FHIT: variants seen among roughly 807,000 people sequenced by gnomAD.
FHIT encodes the protein bis(5'-adenosyl)-triphosphatase.
In FHIT, 19 loss-of-function variants were observed where a neutral mutation model predicts 17.9. That is an observed-to-expected ratio of 1.06 (90% CI 0.74 to 1.56). The LOEUF (loss-of-function observed/expected upper bound fraction) is 1.56, where lower values mean the gene tolerates loss of function less well. FHIT is among the 40% of genes most tolerant of loss of function. The pLI is 0.00. For missense variants in FHIT, 248 were observed against 189.2 expected, an observed-to-expected ratio of 1.31 and a Z score of -1.82; for synonymous variants, 81 against 69.7, an observed-to-expected ratio of 1.16 and a Z score of -0.81.
intron 8 of FHIT, among the ~76,000 whole-genome samples, chr3:59,884,343 A>G (rs1208536184): frequency 1.3e-5 from 2 of 152,302 alleles, no homozygotes; most frequent in East Asian, 3.9e-4. Flanking sequence ...ATGTGGATAT[A>G]TGTTTTTATA....
intron 5 of FHIT, among the ~76,000 whole-genome samples, chr3:60,197,978 A>G (rs533576219): frequency 6.6e-6 from 1 of 152,306 alleles, no homozygotes; most frequent in African/African-American, 2.4e-5. Context: ...ATCAGTTATT[A>G]TGAGGTTCTG....
intron 3 of FHIT, among the ~76,000 whole-genome samples, chr3:60,826,351 A>C: frequency 6.6e-6 from 1 of 150,912 alleles, no homozygotes; most frequent in South Asian, 2.1e-4. Flanking sequence ...TTTGAGATGG[A>C]CTTTCACACT....
chr3:61,089,271 G>A (rs1052971208), intron 2 of FHIT, among the ~76,000 whole-genome samples: 4 of 152,152 alleles, frequency 2.6e-5, no homozygotes, highest in African/African-American at 9.7e-5. Flanking sequence ...ATTTTTAAGT[G>A]TACAGTTTTG....
intron 7 of FHIT, among the ~76,000 whole-genome samples, chr3:59,973,607 T>C (rs1708282114): frequency 6.6e-6 from 1 of 152,140 alleles, no homozygotes; most frequent in Non-Finnish European, 1.5e-5. Context: ...AAAGATGTAA[T>C]TTTAAGTTTT....
intron 5 of FHIT, among the ~76,000 whole-genome samples, chr3:60,358,173 C>A (rs1335692004): frequency 1.3e-5 from 2 of 152,338 alleles, no homozygotes; most frequent in East Asian, 3.9e-4. Flanking sequence ...TTCTTCACTG[C>A]ACCTAGCACC....
intron 8 of FHIT, among the ~76,000 whole-genome samples, chr3:59,761,885 C>T (rs9865682): frequency 0.13 from 19,392 of 152,130 alleles, 1,298 homozygotes; most frequent in South Asian, 0.24. Flanking sequence ...TGTGAGCCAC[C>T]GCGCCCTACC....
intron 3 of FHIT, among the ~76,000 whole-genome samples, chr3:60,956,888 A>C (rs1386793369): frequency 6.6e-6 from 1 of 150,836 alleles, no homozygotes; most frequent in Non-Finnish European, 1.5e-5. Context: ...GTCCTACAAA[A>C]AATGAATTGT....
intron 4 of FHIT, among the ~76,000 whole-genome samples, chr3:60,696,523 C>T (rs2041117594): frequency 6.6e-6 from 1 of 152,014 alleles, no homozygotes; most frequent in Non-Finnish European, 1.5e-5. Context: ...ATTACTTTTG[C>T]TCTTGTGATG....
At chr3:60,326,281 A>G (rs1439470682) in intron 5 of FHIT, among the ~76,000 whole-genome samples, 2 of 152,132 alleles carry the variant, frequency 1.3e-5, no homozygotes, top group Admixed American at 6.6e-5. Flanking sequence ...TGTAGAATCA[A>G]TGGGAGTCCT....
At chr3:59,799,651 A>G (rs894511822) in intron 8 of FHIT, among the ~76,000 whole-genome samples, 5 of 152,188 alleles carry the variant, frequency 3.3e-5, no homozygotes, top group Non-Finnish European at 7.3e-5. Flanking sequence ...GGAGGGGGAT[A>G]GGGAAGAGAA....
At chr3:60,364,233 C>G (rs1324181649) in intron 5 of FHIT, among the ~76,000 whole-genome samples, 3 of 152,224 alleles carry the variant, frequency 2.0e-5, no homozygotes, top group Non-Finnish European at 4.4e-5. Context: ...TTCTACACCT[C>G]TGTGTGTGTG....
intron 5 of FHIT, among the ~76,000 whole-genome samples, chr3:60,453,721 A>C (rs1559927098): frequency 6.6e-6 from 1 of 152,216 alleles, no homozygotes; most frequent in Non-Finnish European, 1.5e-5. Context: ...GGTTCAAATG[A>C]GATGACGATG....
intron 3 of FHIT, among the ~76,000 whole-genome samples, chr3:60,920,069 T>G (rs895024397): frequency 6.6e-6 from 1 of 152,032 alleles, no homozygotes; most frequent in Non-Finnish European, 1.5e-5. Context: ...AGCATGGACT[T>G]AAACCTCAGC....
chr3:60,653,851 C>A lies in FHIT; in HGVS notation c.-17-116872G>T, dbSNP rs144677487. ...AACCTGCAAGCATGCAGAAAGTTTA[C>A]CTCCCATTCACCCTGATATGGCTTG... On this transcript the variant is annotated intron_variant, in intron 4 of 9. Transcript: ENST00000492590. 2.1e-4 allele frequency among the ~76,000 whole-genome samples: 32 copies of A among 152,280 alleles called. No individual in the cohort carries two copies. In the East Asian group the frequency reaches 5.6e-3, roughly 27 times the overall value.
intron 4 of FHIT, among the ~76,000 whole-genome samples, chr3:60,759,670 A>C (rs1699570153): frequency 6.6e-6 from 1 of 152,204 alleles, no homozygotes; most frequent in Admixed American, 6.5e-5. Context: ...TATGTCACGA[A>C]GGAGGAAGTG....
chr3:61,204,955 C>T (rs1362210722), intron 1 of FHIT, among the ~76,000 whole-genome samples: 2 of 151,392 alleles, frequency 1.3e-5, no homozygotes, highest in Non-Finnish European at 2.9e-5. Flanking sequence ...GGTATATCTC[C>T]TAATGCCATC....
chr3:60,964,597 T>A (rs1464562932), intron 3 of FHIT, among the ~76,000 whole-genome samples: 2 of 152,202 alleles, frequency 1.3e-5, no homozygotes, highest in African/African-American at 4.8e-5. Flanking sequence ...TGTTTAATGC[T>A]TCCTTCAGGA....
intron 4 of FHIT, among the ~76,000 whole-genome samples, chr3:60,590,480 G>A (rs1553663831): frequency 6.6e-6 from 1 of 152,060 alleles, no homozygotes; most frequent in Admixed American, 6.6e-5. Flanking sequence ...TAGAGTCCAT[G>A]CACTTAGGAG....
intron 7 of FHIT, among the ~76,000 whole-genome samples, chr3:59,939,588 T>A (rs1706410074): frequency 6.6e-6 from 1 of 152,178 alleles, no homozygotes; most frequent in African/African-American, 2.4e-5. Context: ...AGAAAGCCAA[T>A]TGAAGGCTAA....
Sources: allele counts gnomAD v4.1 joint callset (sites outside exome capture counted in the v4.1 genomes callset), GRCh38; gene constraint gnomAD v4.1.1; transcripts MANE v1.5; gene names NCBI Gene and HGNC (gene_info 2026-07-23, HGNC 2026-07-21).